The following ZBTB7C variants were observed in gnomAD, a reference collection of about 807,000 sequenced individuals.
ZBTB7C encodes the protein zinc finger and BTB domain-containing protein 7C.
Under a neutral mutation model 25.7 loss-of-function variants are expected in ZBTB7C, and 8 were observed. The ratio of observed to expected loss-of-function variants is 0.31; its 90% confidence interval spans 0.18 to 0.56. The LOEUF (loss-of-function observed/expected upper bound fraction) is 0.56. Among genes scored for constraint, ZBTB7C ranks in the 20% least tolerant of loss-of-function variants. The probability of loss-of-function intolerance (pLI) is 0.91; values close to 1 mark genes in which losing one functional copy is unlikely to be tolerated. For synonymous variants in ZBTB7C, 394 were observed against 369.0 expected (o/e 1.07, Z -0.78); for missense variants, 824 against 855.2 (o/e 0.96, Z 0.46).
At chr18:48,074,306 G>A (rs967056408) in intron 3 of ZBTB7C, among the ~76,000 whole-genome samples, 3 of 152,156 alleles carry the variant, frequency 2.0e-5, no homozygotes, top group Admixed American at 1.3e-4. Context: ...GAGCCACCAC[G>A]CCCGGCCCAT....
At position 48,135,286 on chromosome 18, in the gene ZBTB7C, AT is replaced by A. The variant is rs540584213; in HGVS notation, c.-17+50647del. Among the ~76,000 whole-genome samples the A allele has an allele frequency of 5.8e-4, 89 of 152,362 alleles. 2 individuals carry two copies. Among genetic ancestry groups the A allele is most frequent in the Admixed American group, 2.5e-3 (38 of 15,312 alleles). ...ACTGATTGTTTAAAAAGAAAATGACATTAAAAAAAGTTAATATTAAGTGTAA... is the reference window on the plus strand; with the variant it reads ...ACTGATTGTTTAAAAAGAAAATGACATAAAAAAAGTTAATATTAAGTGTAA... On this transcript the variant is annotated intron_variant, in intron 3 of 4. Transcript: ENST00000590800.
intron 3 of ZBTB7C, among the ~76,000 whole-genome samples, chr18:48,119,951 G>A (rs2039572668): frequency 6.6e-6 from 1 of 152,086 alleles, no homozygotes; most frequent in Non-Finnish European, 1.5e-5. Context: ...GGGATAAGCT[G>A]GACAGACTGA....
chr18:48,052,130 C>A (rs571921002), intron 3 of ZBTB7C, among the ~76,000 whole-genome samples: 1 of 152,134 alleles, frequency 6.6e-6, no homozygotes, highest in Non-Finnish European at 1.5e-5. Flanking sequence ...CTAGGCCACG[C>A]GTTACTGAGT....
At chr18:48,066,222 T>C (rs1363132275) in intron 3 of ZBTB7C, among the ~76,000 whole-genome samples, 1 of 152,228 alleles carries the variant, frequency 6.6e-6, no homozygotes, top group East Asian at 1.9e-4. Context: ...TTTGCGGCTC[T>C]GTCTCTAGAG....
intron 3 of ZBTB7C, among the ~76,000 whole-genome samples, chr18:48,167,598 G>GCGCGCA (rs2041308673): frequency 4.1e-5 from 6 of 146,368 alleles, no homozygotes; most frequent in Admixed American, 3.4e-4. Context: ...GTGTGTGTGT[G>GCGCGCA]CGCGCGTGCA....
At chr18:48,061,117 T>C (rs1485155956) in intron 3 of ZBTB7C, among the ~76,000 whole-genome samples, 1 of 152,068 alleles carries the variant, frequency 6.6e-6, no homozygotes, top group African/African-American at 2.4e-5. Context: ...GGCTTGGAAA[T>C]ATTTACAGAT....
intron 2 of ZBTB7C, among the ~76,000 whole-genome samples, chr18:48,231,211 T>G (rs1045650674): frequency 6.6e-6 from 1 of 152,290 alleles, no homozygotes; most frequent in Non-Finnish European, 1.5e-5. Flanking sequence ...AGGGACAGCC[T>G]GAGGCCTGGG....
intron 3 of ZBTB7C, chr18:48,088,311 A>G (rs2038272315): frequency 6.6e-6 from 1 of 152,368 alleles, no homozygotes; most frequent in Non-Finnish European, 1.5e-5. Context: ...AGGAGCTCAA[A>G]GGAGGGACAC....
chr18:48,174,056 G>C (rs189772969), intron 3 of ZBTB7C, among the ~76,000 whole-genome samples: 1 of 152,212 alleles, frequency 6.6e-6, no homozygotes, highest in Non-Finnish European at 1.5e-5. Context: ...TAAAAATTAC[G>C]TTTCCACATG....
At chr18:48,059,167 T>C (rs115288795) in intron 3 of ZBTB7C, among the ~76,000 whole-genome samples, 5 of 152,186 alleles carry the variant, frequency 3.3e-5, no homozygotes, top group Non-Finnish European at 5.9e-5. Context: ...GGAAGCAGGA[T>C]GTACTCTTTG....
In ZBTB7C at chr18:48,208,504, G is replaced by A. The variant is rs73955340; in HGVS notation, c.-78-22509C>T. Among the ~76,000 whole-genome samples the A allele has an allele frequency of 6.1e-3, 931 of 152,302 alleles. 13 individuals carry two copies. The highest frequency in any genetic ancestry group is 0.021 in the African/African-American group (852 of 41,558). ...TCTACTTATGCCCCAGGAGACAAAG[G>A]GGGTGGGGGAATATCTTAGTTGGCA... is the stretch of plus-strand genomic sequence containing the variant. On this transcript the variant is annotated intron_variant, in intron 2 of 4. Transcript: ENST00000590800.
chr18:48,243,957 T>C (rs1173021070), intron 2 of ZBTB7C, among the ~76,000 whole-genome samples: 1 of 152,196 alleles, frequency 6.6e-6, no homozygotes, highest in Non-Finnish European at 1.5e-5. Context: ...GATGCTGAGA[T>C]AATTGGCAAG....
intron 1 of ZBTB7C, among the ~76,000 whole-genome samples, chr18:48,368,521 C>A (rs2047308161): frequency 6.6e-6 from 1 of 152,072 alleles, no homozygotes; most frequent in Non-Finnish European, 1.5e-5. Context: ...ACGGGTAGAG[C>A]TGAAAAGGTG....
intron 2 of ZBTB7C, among the ~76,000 whole-genome samples, chr18:48,225,838 G>A (rs1195125263): frequency 6.6e-6 from 1 of 152,116 alleles, no homozygotes; most frequent in Non-Finnish European, 1.5e-5. Flanking sequence ...CACCTCCCAG[G>A]TTCAAGTGAT....
chr18:48,191,321 C>T (rs2042189699), intron 2 of ZBTB7C, among the ~76,000 whole-genome samples: 1 of 152,192 alleles, frequency 6.6e-6, no homozygotes. Context: ...GGCAGCCTGG[C>T]CCTGCCATCG....
rs190450183 is a variant in ZBTB7C at position 48,247,714 on chromosome 18, G to A, written c.-78-61719C>T. 8.5e-5 allele frequency among the ~76,000 whole-genome samples: 13 copies of A among 152,232 alleles called. No homozygotes were observed. The East Asian group carries it at 2.5e-3, about 29-fold the overall frequency. The stretch of plus-strand genomic sequence containing the variant: ...CATAATCCCCACATGTCAAGGGAGA[G>A]ACCAGGCTGAGGTAATTGGATCACG... On this transcript the variant is annotated intron_variant, in intron 2 of 4. Transcript: ENST00000590800.
chr18:48,394,952 A>C (rs1488752904), intron 1 of ZBTB7C, among the ~76,000 whole-genome samples: 1 of 152,170 alleles, frequency 6.6e-6, no homozygotes, highest in African/African-American at 2.4e-5. Context: ...CCCCTCTAAA[A>C]CCACATATAA....
At chr18:48,322,204 C>T (rs1019104909) in intron 2 of ZBTB7C, among the ~76,000 whole-genome samples, 5 of 152,112 alleles carry the variant, frequency 3.3e-5, no homozygotes, top group Non-Finnish European at 5.9e-5. Context: ...TCCTATAAAC[C>T]CTAAGCAGGA....
Position 48,040,586 on chromosome 18 carries a change from T to G in ZBTB7C, c.522A>C (p.Gln174His), listed in dbSNP as rs1185580023. Residue 174 changes from glutamine (Q) to histidine (H), a missense_variant, in exon 4 of 5, where the codon CAA becomes CAC. By Grantham distance (24) the Gln-to-His change is conservative. Transcript: ENST00000590800. ...DDDDTEDFADQENLPDPQDIS... is the reference protein window; with the variant it reads ...DDDDTEDFADHENLPDPQDIS... ...TGTCCTGGGGGTCAGGCAAGTTTTC[T>G]TGGTCAGCAAAGTCCTCCGTGTCAT... The G allele has an allele frequency of 1.2e-6, 2 of 1,613,944 alleles. No individual in the cohort carries two copies. Among genetic ancestry groups the G allele is most frequent in the Admixed American group, 3.3e-5 (2 of 60,004 alleles).
Sources: allele counts gnomAD v4.1 joint callset (sites outside exome capture counted in the v4.1 genomes callset), GRCh38; gene constraint gnomAD v4.1.1; transcripts MANE v1.5; gene names NCBI Gene and HGNC (gene_info 2026-07-23, HGNC 2026-07-21).